The following KLF8 variants were observed in gnomAD, a reference collection of about 807,000 sequenced individuals.
KLF8 encodes the protein Krueppel-like factor 8.
Under a neutral mutation model 18.2 loss-of-function variants are expected in KLF8, and 10 were observed. The ratio of observed to expected loss-of-function variants is 0.55; its 90% confidence interval spans 0.34 to 0.93. The LOEUF is 0.93. KLF8 is among the 40% of genes least tolerant of loss of function. The pLI is 0.02. For synonymous variants in KLF8, 109 were observed against 97.3 expected (o/e 1.12, Z -0.71); for missense variants, 264 against 277.9 (o/e 0.95, Z 0.36).
chrX:56,249,546 GGATAGTCTGAAATCTTTTAATCATA>G (rs760586492), intron 1 of KLF8, among the ~76,000 whole-genome samples: 2,657 of 111,470 alleles, frequency 0.024, 31 homozygotes, highest in Middle Eastern at 0.05. Flanking sequence ...GTTCTGCAGA[GGATAGTCTGAAATCTTTTAATCATA>G]GATGGACAAG....
the KLF8 span, among the ~76,000 whole-genome samples, chrX:56,082,362 G>A: frequency 9.1e-6 from 1 of 110,286 alleles, no homozygotes; most frequent in Admixed American, 9.6e-5. Context: ...TAGTCAATCT[G>A]ACTAAAGGTT....
chrX:56,179,420 A>G, the KLF8 span, among the ~76,000 whole-genome samples: 1 of 112,352 alleles, frequency 8.9e-6, no homozygotes, highest in African/African-American at 3.2e-5. Context: ...CTAAATATGC[A>G]ATCATGTCAT....
chrX:56,167,604 G>A, the KLF8 span, among the ~76,000 whole-genome samples: 1 of 112,085 alleles, frequency 8.9e-6, no homozygotes, highest in Non-Finnish European at 1.9e-5. Flanking sequence ...GTGAACTTGT[G>A]GAATCCAGCC....
At chrX:56,168,587 G>A in the KLF8 span, among the ~76,000 whole-genome samples, 1 of 111,180 alleles carries the variant, frequency 9.0e-6, no homozygotes, top group East Asian at 2.8e-4. Flanking sequence ...CCATGTTGGT[G>A]TGCTGCACCC....
At chrX:56,099,606 C>A in the KLF8 span, among the ~76,000 whole-genome samples, 2 of 109,299 alleles carry the variant, frequency 1.8e-5, no homozygotes, top group Non-Finnish European at 1.9e-5. Flanking sequence ...GAATGAAAAG[C>A]GCTTAAGACA....
the KLF8 span, among the ~76,000 whole-genome samples, chrX:56,160,609 G>C: frequency 9.0e-6 from 1 of 111,433 alleles, no homozygotes. Flanking sequence ...ATAGTTAGCT[G>C]TTGTTGTTGA....
chrX:56,159,144 T>C, the KLF8 span, among the ~76,000 whole-genome samples: 1 of 112,186 alleles, frequency 8.9e-6, no homozygotes, highest in Non-Finnish European at 1.9e-5. Flanking sequence ...ATTGAGACAA[T>C]CATATGATTT....
intron 1 of KLF8, among the ~76,000 whole-genome samples, chrX:56,235,970 G>A (rs1026705405): frequency 2.7e-5 from 3 of 111,943 alleles, no homozygotes; most frequent in Non-Finnish European, 5.6e-5. Context: ...CAGGAAGCTG[G>A]ATTTAAATAT....
chrX:56,197,339 C>A, the KLF8 span, among the ~76,000 whole-genome samples: 1 of 110,300 alleles, frequency 9.1e-6, no homozygotes, highest in Non-Finnish European at 1.9e-5. Flanking sequence ...AATTGATAGA[C>A]CACTAGCAAG....
the KLF8 span, among the ~76,000 whole-genome samples, chrX:56,137,652 A>G: frequency 0.027 from 2,843 of 105,806 alleles, 117 homozygotes; most frequent in African/African-American, 0.095. Context: ...ACCTAATGCT[A>G]GATGATGAGT....
chrX:55,956,172 CT>C, the KLF8 span, among the ~76,000 whole-genome samples: 788 of 98,076 alleles, frequency 8.0e-3, 6 homozygotes, highest in Non-Finnish European at 0.014. Flanking sequence ...TATCTATCAT[CT>C]ATCTATCTAT....
At chrX:55,950,582 C>G in the KLF8 span, among the ~76,000 whole-genome samples, 1 of 111,318 alleles carries the variant, frequency 9.0e-6, no homozygotes, top group Admixed American at 9.6e-5. Context: ...TGCATGAACG[C>G]TCTTTGCACA....
At chrX:56,162,807 A>G in the KLF8 span, among the ~76,000 whole-genome samples, 8 of 111,165 alleles carry the variant, frequency 7.2e-5, no homozygotes, top group Admixed American at 9.6e-5. Context: ...CCTCAGTGAG[A>G]TGAACCCAGT....
the KLF8 span, among the ~76,000 whole-genome samples, chrX:56,057,598 T>A: frequency 9.1e-6 from 1 of 110,063 alleles, no homozygotes; most frequent in Non-Finnish European, 1.9e-5. Flanking sequence ...ATGATGCAGG[T>A]CCCTAGGGCA....
the KLF8 span, among the ~76,000 whole-genome samples, chrX:55,919,932 C>A: frequency 1.8e-5 from 2 of 112,103 alleles, no homozygotes; most frequent in East Asian, 5.6e-4. Flanking sequence ...CTTGAAAGCA[C>A]CACTTCCTGG....
chrX:55,939,522 A>C, the KLF8 span, among the ~76,000 whole-genome samples: 1 of 112,031 alleles, frequency 8.9e-6, no homozygotes, highest in Admixed American at 9.5e-5. Flanking sequence ...GAAATAACTA[A>C]GATCACAGCA....
the KLF8 span, among the ~76,000 whole-genome samples, chrX:56,049,243 C>A: frequency 3.6e-5 from 4 of 111,279 alleles, no homozygotes; most frequent in African/African-American, 1.3e-4. Context: ...CTTTTCCTAA[C>A]TGAATGCCCT....
At chrX:56,163,439 GTTGT>G in the KLF8 span, among the ~76,000 whole-genome samples, 2 of 111,887 alleles carry the variant, frequency 1.8e-5, no homozygotes, top group African/African-American at 3.2e-5. Flanking sequence ...TTTTAATGGA[GTTGT>G]TTGTTTTTCT....
chrX:56,282,615 A>G (rs2067216484), intron 5 of KLF8, among the ~76,000 whole-genome samples: 2 of 111,957 alleles, frequency 1.8e-5, no homozygotes, highest in South Asian at 3.8e-4. Flanking sequence ...CCAGATTGCC[A>G]CCAGAATTTA....
Sources: allele counts gnomAD v4.1 joint callset (sites outside exome capture counted in the v4.1 genomes callset), GRCh38; gene constraint gnomAD v4.1.1; transcripts MANE v1.5; gene names NCBI Gene and HGNC (gene_info 2026-07-23, HGNC 2026-07-21).